Variants in ARFGEF3 observed in about 807,000 individuals in gnomAD.
The protein encoded by ARFGEF3 is brefeldin A-inhibited guanine nucleotide-exchange protein 3.
Under a neutral mutation model 221.7 loss-of-function variants are expected in ARFGEF3, and 96 were observed. That is an observed-to-expected ratio of 0.43 (90% CI 0.37 to 0.51). The LOEUF is 0.51. Among genes scored for constraint, ARFGEF3 ranks in the 20% least tolerant of loss-of-function variants. The pLI, the probability that ARFGEF3 is intolerant of heterozygous loss-of-function variation, is 0.00. For synonymous variants in ARFGEF3, 1,145 were observed against 1,126.8 expected (o/e 1.02, Z -0.32); for missense variants, 2,410 against 2,789.9 (o/e 0.86, Z 3.07).
chr6:138,215,617 G>T (rs1777827289), intron 4 of ARFGEF3, among the ~76,000 whole-genome samples: 1 of 152,120 alleles, frequency 6.6e-6, no homozygotes, highest in South Asian at 2.1e-4. Context: ...AGTCTATCCT[G>T]AGAGGCTTGT....
At position 138,262,187 on chromosome 6, in the gene ARFGEF3, CTTTTTTT is replaced by C. The variant is rs11393341; in HGVS notation, c.1218-498_1218-492del. On this transcript the variant is annotated intron_variant, in intron 11 of 33. Coordinates refer to ENST00000251691, the MANE Select transcript of ARFGEF3 (RefSeq NM_020340.5). ...AAGGAGTGTGATTCAATGCAGACCA[CTTTTTTT>C]TTTTTTTTTTTTTTTGACAGAGTCT... Among the ~76,000 whole-genome samples the C allele has an allele frequency of 4.9e-4, 63 of 127,894 alleles. 1 individual carries two copies. The East Asian group carries it at 9.7e-3, about 20-fold the overall frequency. The allele number at this position is 127,894 out of a possible 152,430, so 83.9% of individuals were successfully genotyped here.
At chr6:138,327,974 G>C in intron 31 of ARFGEF3, 47 bp from the exon 32 acceptor site, 1 of 1,516,676 alleles carries the variant, frequency 6.6e-7, no homozygotes, top group African/African-American at 1.4e-5. Flanking sequence ...GACAGGTCAA[G>C]CAGAGGACAC....
chr6:138,246,972 T>G (rs1393081395), intron 8 of ARFGEF3, among the ~76,000 whole-genome samples: 1 of 152,220 alleles, frequency 6.6e-6, no homozygotes, highest in Non-Finnish European at 1.5e-5. Flanking sequence ...AACATCATGT[T>G]GTAAACCTTA....
Position 138,343,370 on chromosome 6 carries a change from TAGTG to T in ARFGEF3, c.*6887_*6890del, listed in dbSNP as rs1780462724. The T allele has an allele frequency of 6.6e-6, 1 of 152,106 alleles. No individual in the cohort carries two copies. Among genetic ancestry groups the T allele is most frequent in the Non-Finnish European group, 1.5e-5 (1 of 68,020 alleles). The allele number at this position is 152,106 out of a possible 1,614,324, so 9.4% of individuals were successfully genotyped here. A position where few individuals can be genotyped will look rare whatever the true frequency, so the allele number is the denominator to read the frequency against. On this transcript the variant is annotated 3_prime_UTR_variant, in exon 34 of 34. Transcript: ENST00000251691. ...AGGAAATGATTATATTTACTAGAAT[TAGTG>T]AGATCAGAAAGCATATCAGAATGTT...
At chr6:138,209,759 T>G (rs958531473) in intron 3 of ARFGEF3, 151 bp from the exon 4 acceptor site, 8 of 953,004 alleles carry the variant, frequency 8.4e-6, no homozygotes, top group Non-Finnish European at 1.2e-5. Flanking sequence ...ATTTTTCTTT[T>G]TAACGGCACA....
At chr6:138,250,416 T>C (rs1444082972) in intron 8 of ARFGEF3, among the ~76,000 whole-genome samples, 1 of 152,194 alleles carries the variant, frequency 6.6e-6, no homozygotes, top group Admixed American at 6.5e-5. Context: ...TTCTCTCTCC[T>C]CCTAGAACAG....
chr6:138,323,010 G>C (rs537502314), intron 29 of ARFGEF3, among the ~76,000 whole-genome samples: 29 of 151,474 alleles, frequency 1.9e-4, no homozygotes, highest in South Asian at 4.2e-4. Context: ...CCAAGCAGAA[G>C]AACAAAATAG....
chr6:138,324,057 G>C lies in ARFGEF3; in HGVS notation c.4904G>C (p.Ser1635Thr). 1 of 1,613,930 alleles carries C rather than the reference G, an allele frequency of 6.2e-7. No individual in the cohort carries two copies. The highest frequency in any genetic ancestry group is 8.5e-7 in the Non-Finnish European group (1 of 1,179,882). ...LLGCFHSGTESFSGEGCQVRV... is the reference protein window; with the variant it reads ...LLGCFHSGTETFSGEGCQVRV... The stretch of plus-strand genomic sequence containing the variant: ...GGCTGCTTCCACAGCGGCACGGAGA[G>C]CTTCAGCGGGGAAGGCTGCCAGGTG... The change falls in exon 31 of 34, where the codon AGC becomes ACC. Residue 1635 changes from serine (S) to threonine (T), a missense_variant. By Grantham distance (58) the Ser-to-Thr change is moderately conservative (BLOSUM62 1). Around this residue, in one of 5 missense-constraint regions of ARFGEF3, gnomAD observed 723 missense variants for 991.9 expected, o/e 0.73. Coordinates refer to ENST00000251691, the MANE Select transcript of ARFGEF3 (RefSeq NM_020340.5).
At position 138,162,079 on chromosome 6, in the gene ARFGEF3, A is replaced by T; in HGVS notation, c.-8A>T. The T allele has an allele frequency of 1.9e-6, 3 of 1,576,388 alleles. No homozygotes were observed. Among genetic ancestry groups the T allele is most frequent in the Non-Finnish European group, 2.6e-6 (3 of 1,161,226 alleles). ...TGTGGGCGGCGGCCCGGCGCCTGGA[A>T]GGTCAAGATGGAAGAAATCCTGAGG... is the stretch of plus-strand genomic sequence containing the variant. On this transcript the variant is annotated 5_prime_UTR_variant, in exon 1 of 34. In the 5' UTR this introduces an upstream ATG that the reference lacks. Coordinates refer to ENST00000251691, the MANE Select transcript of ARFGEF3 (RefSeq NM_020340.5). The surrounding 1 kb of genome is among the most constrained non-coding windows in gnomAD (Gnocchi z 4.7).
chr6:138,242,801 A>T, intron 6 of ARFGEF3, 151 bp from the exon 7 acceptor site: 1 of 640,030 alleles, frequency 1.6e-6, no homozygotes, highest in Non-Finnish European at 2.8e-6. Flanking sequence ...AACGCTCTCA[A>T]GAGCTGGTGG....
chr6:138,182,691 AAT>A (rs1180247468), intron 2 of ARFGEF3, among the ~76,000 whole-genome samples: 1 of 152,228 alleles, frequency 6.6e-6, no homozygotes, highest in Non-Finnish European at 1.5e-5. Flanking sequence ...AAACCTGAGT[AAT>A]TATGTAATTA....
At chr6:138,311,321 A>C in intron 24 of ARFGEF3, 86 bp from the exon 25 acceptor site, 1 of 746,992 alleles carries the variant, frequency 1.3e-6, no homozygotes, top group Non-Finnish European at 2.3e-6. Context: ...TTGGTGTACT[A>C]GTGCTATGTG....
intron 30 of ARFGEF3, 115 bp from the exon 31 acceptor site, chr6:138,323,908 A>C: frequency 6.5e-7 from 1 of 1,547,876 alleles, no homozygotes; most frequent in Non-Finnish European, 8.8e-7. Context: ...GAGAGTGAGA[A>C]AGAAGTTGCT....
rs1012128468 is a variant in ARFGEF3 at position 138,291,430 on chromosome 6, G to A, written c.3048-303G>A. Among the ~76,000 whole-genome samples the A allele has an allele frequency of 6.6e-6, 1 of 152,162 alleles. No homozygotes were observed. The highest frequency in any genetic ancestry group is 1.5e-5 in the Non-Finnish European group (1 of 68,036). On this transcript the variant is annotated intron_variant, in intron 18 of 33. Transcript: ENST00000251691. The surrounding 1 kb of genome is among the most constrained non-coding windows in gnomAD (Gnocchi z 4.5). ...AGGAGGGCAGATAAGCCAGTAAGCC[G>A]GATGAGGCAGGGGGACTGGATGAAC... is the stretch of plus-strand genomic sequence containing the variant.
At position 138,287,297 on chromosome 6, in the gene ARFGEF3, G is replaced by A. The variant is rs1779316098; in HGVS notation, c.2896+113G>A. The A allele has an allele frequency of 1.3e-5, 10 of 749,738 alleles. No homozygotes were observed. In the South Asian group the frequency reaches 1.5e-4, roughly 11 times the overall value. 46.4% of individuals were successfully genotyped at this position (749,738 alleles called of 1,614,324 possible). On this transcript the variant is annotated intron_variant, in intron 17 of 33. Coordinates refer to ENST00000251691, the MANE Select transcript of ARFGEF3 (RefSeq NM_020340.5). ...GTGCCTGTTCTGTGTGTGATGCCCG[G>A]TATGTATACACCACTGATCACGAGA... is the stretch of plus-strand genomic sequence containing the variant.
chr6:138,179,152 C>G (rs2114445322), intron 2 of ARFGEF3, among the ~76,000 whole-genome samples: 1 of 152,340 alleles, frequency 6.6e-6, no homozygotes, highest in Admixed American at 6.5e-5. Flanking sequence ...TTCTAAAGGA[C>G]TGAAGAACCT....
intron 32 of ARFGEF3, among the ~76,000 whole-genome samples, chr6:138,329,308 T>TA (rs1470178201): frequency 6.6e-6 from 1 of 152,118 alleles, no homozygotes; most frequent in Admixed American, 6.5e-5. Flanking sequence ...TGAGGGCACA[T>TA]ACAGAGAGGC....
chr6:138,233,029 C>T (rs1778221800), intron 5 of ARFGEF3, among the ~76,000 whole-genome samples: 1 of 152,138 alleles, frequency 6.6e-6, no homozygotes, highest in African/African-American at 2.4e-5. Context: ...CACCCTTGGA[C>T]CTTTACCGAG....
chr6:138,187,954 G>T (rs541465583), intron 2 of ARFGEF3, among the ~76,000 whole-genome samples: 1 of 152,098 alleles, frequency 6.6e-6, no homozygotes, highest in Non-Finnish European at 1.5e-5. Context: ...TGTGTGGGGG[G>T]GTTTAATCTA....
Sources: allele counts gnomAD v4.1 joint callset (sites outside exome capture counted in the v4.1 genomes callset), GRCh38; gene constraint gnomAD v4.1.1; regional missense constraint gnomAD v4.1.1; non-coding constraint Gnocchi (gnomAD v3.1); transcripts MANE v1.5; gene names NCBI Gene and HGNC (gene_info 2026-07-23, HGNC 2026-07-21).